The following RIPK1 variants were observed in gnomAD, a reference collection of about 807,000 sequenced individuals.
RIPK1 encodes the protein receptor-interacting serine/threonine-protein kinase 1.
RIPK1 carries 27 observed loss-of-function variants against 62.4 expected under a neutral mutation model. The observed-to-expected ratio is 0.43, with a 90% CI of 0.32 to 0.60. RIPK1 has a LOEUF of 0.60. Ranked by LOEUF, RIPK1 falls within the 20% of genes least tolerant of loss-of-function variation. RIPK1 has a pLI of 0.07. For synonymous variants in RIPK1, 287 were observed against 303.2 expected, an observed-to-expected ratio of 0.95 and a Z score of 0.55; for missense variants, 735 against 831.0, an observed-to-expected ratio of 0.88 and a Z score of 1.42.
At chr6:3,073,106 A>C (rs751541018) in intron 1 of RIPK1, among the ~76,000 whole-genome samples, 1 of 152,128 alleles carries the variant, frequency 6.6e-6, no homozygotes, top group Admixed American at 6.5e-5. Flanking sequence ...ATATATACAT[A>C]TGTACATATA....
intron 7 of RIPK1, among the ~76,000 whole-genome samples, chr6:3,103,056 G>A (rs1300402482): frequency 1.3e-5 from 2 of 152,148 alleles, no homozygotes; most frequent in Admixed American, 6.5e-5. Flanking sequence ...GTGTGAAAGT[G>A]TACCTCATGG....
intron 1 of RIPK1, among the ~76,000 whole-genome samples, chr6:3,070,420 A>G (rs1758649369): frequency 1.3e-5 from 2 of 152,136 alleles, no homozygotes; most frequent in Non-Finnish European, 2.9e-5. Flanking sequence ...TGAACCATAT[A>G]TTTCAAAAAT....
At chr6:3,090,473 C>G (rs569827128) in intron 7 of RIPK1, among the ~76,000 whole-genome samples, 1 of 152,100 alleles carries the variant, frequency 6.6e-6, no homozygotes, top group Non-Finnish European at 1.5e-5. Context: ...CTCAAACAAT[C>G]AGGAATATTT....
intron 7 of RIPK1, among the ~76,000 whole-genome samples, chr6:3,090,389 C>G (rs767349916): frequency 4.6e-5 from 7 of 152,030 alleles, no homozygotes; most frequent in Non-Finnish European, 1.0e-4. Flanking sequence ...ATAAAACAGG[C>G]AGAGACTTTA....
Position 3,080,904 on chromosome 6 carries a change from AC to A in RIPK1, c.322-72del, listed in dbSNP as rs370576322. On this transcript the variant is annotated intron_variant, in intron 3 of 10. Transcript: ENST00000259808. ...CTTCTCCTCAGGCTCAGATCCCACC[AC>A]CCTTTCATGAAACAGTTGCTTTGGC... The A allele has an allele frequency of 1.4e-3, 2,003 of 1,456,898 alleles. 23 individuals are homozygous for A. The African/African-American group carries it at 0.026, about 19-fold the overall frequency. 90.2% of individuals were successfully genotyped at this position (1,456,898 alleles called of 1,614,324 possible).
At chr6:3,068,157 T>G (rs1758467646), upstream of RIPK1, 2 of 955,742 alleles carry the variant, frequency 2.1e-6, no homozygotes, top group Admixed American at 6.2e-5. Flanking sequence ...ATAATCACAT[T>G]TCCTCCTCAA....
chr6:3,081,860 TAAAAAAAAAAAAAAAAAA>T (rs58330257), intron 4 of RIPK1, among the ~76,000 whole-genome samples: 750 of 22,848 alleles, frequency 0.033, 12 homozygotes, highest in African/African-American at 0.074. Context: ...AACTCTGCCT[TAAAAAAAAAAAAAAAAAA>T]AAAAAAAAAA....
chr6:3,102,188 A>G (rs1209861565), intron 7 of RIPK1, among the ~76,000 whole-genome samples: 1 of 152,248 alleles, frequency 6.6e-6, no homozygotes, highest in African/African-American at 2.4e-5. Flanking sequence ...CCCAAAATCC[A>G]AAATTCAAAA....
rs796625189 is a variant in RIPK1 at position 3,103,217 on chromosome 6, A to AT, written c.916-996dup. Among the ~76,000 whole-genome samples, 700 of 139,800 alleles carry AT rather than the reference A, an allele frequency of 5.0e-3. 1 individual carries two copies. The highest frequency in any genetic ancestry group is 0.017 in the East Asian group (80 of 4,738). 91.7% of individuals were successfully genotyped at this position (139,800 alleles called of 152,430 possible). On this transcript the variant is annotated intron_variant, in intron 7 of 10. Coordinates refer to ENST00000259808, the MANE Select transcript of RIPK1 (RefSeq NM_001354930.2). ...TTGTTTTTTGTTGTTGAGTTGTAGG[A>AT]TTTTTTTTTTTTATGTTCTGGATTT... is the stretch of plus-strand genomic sequence containing the variant.
chr6:3,083,437 C>A (rs1759524541), intron 5 of RIPK1, 124 bp downstream of exon 5: 2 of 749,542 alleles, frequency 2.7e-6, no homozygotes. Flanking sequence ...AATCAGTGAT[C>A]ATAGGATGAA....
intron 2 of RIPK1, 58 bp from the exon 3 acceptor site, chr6:3,077,721 C>T (rs1759150434): frequency 3.8e-6 from 6 of 1,589,692 alleles, no homozygotes; most frequent in East Asian, 2.2e-5. Flanking sequence ...GAGGTGTGCA[C>T]CAGGCTCTTG....
chr6:3,081,550 T>C (rs1444346614), intron 4 of RIPK1, among the ~76,000 whole-genome samples: 1 of 151,662 alleles, frequency 6.6e-6, no homozygotes, highest in Non-Finnish European at 1.5e-5. Context: ...ATCCTTAGAG[T>C]TCAGATATGG....
At chr6:3,100,097 A>G (rs367828958) in intron 7 of RIPK1, among the ~76,000 whole-genome samples, 255 of 152,262 alleles carry the variant, frequency 1.7e-3, no homozygotes, top group African/African-American at 5.9e-3. Flanking sequence ...ACAAAACAAT[A>G]CTTACAGTGT....
chr6:3,078,412 G>A (rs1581388714), intron 3 of RIPK1, among the ~76,000 whole-genome samples: 1 of 152,226 alleles, frequency 6.6e-6, no homozygotes, highest in East Asian at 1.9e-4. Context: ...TTACTGCCCT[G>A]AGAGTGGTCT....
At chr6:3,087,833 C>T (rs145052078) in intron 6 of RIPK1, among the ~76,000 whole-genome samples, 165 of 152,274 alleles carry the variant, frequency 1.1e-3, no homozygotes, top group African/African-American at 3.8e-3. Flanking sequence ...CCACTGTGTC[C>T]GGCCTACCGA....
At chr6:3,099,567 A>C (rs897687238) in intron 7 of RIPK1, among the ~76,000 whole-genome samples, 3 of 152,188 alleles carry the variant, frequency 2.0e-5, no homozygotes, top group African/African-American at 7.2e-5. Context: ...AAAAAACCAA[A>C]ATAAAAGAAA....
intron 7 of RIPK1, among the ~76,000 whole-genome samples, chr6:3,101,742 G>A (rs961074494): frequency 6.6e-6 from 1 of 152,158 alleles, no homozygotes; most frequent in Non-Finnish European, 1.5e-5. Context: ...TTTCTATAAT[G>A]AGGATTATTG....
upstream of RIPK1, among the ~76,000 whole-genome samples, chr6:3,065,068 C>T (rs1213463229): frequency 1.3e-5 from 2 of 151,722 alleles, no homozygotes; most frequent in South Asian, 2.1e-4. Flanking sequence ...CTGTGAAACC[C>T]CGTCTCTACT....
intron 5 of RIPK1, among the ~76,000 whole-genome samples, chr6:3,084,316 C>A (rs370233126): frequency 9.9e-5 from 15 of 152,280 alleles, no homozygotes; most frequent in African/African-American, 3.6e-4. Context: ...AATTCCTCAG[C>A]GTGGAATAAA....
Sources: gnomAD v4.1 joint callset for allele counts (sites outside exome capture counted in the v4.1 genomes callset) on GRCh38, gnomAD v4.1.1 for gene constraint, MANE v1.5 for transcripts, NCBI Gene and HGNC (gene_info 2026-07-23, HGNC 2026-07-21) for gene names.